The following LRRC8D variants were observed in gnomAD, a reference collection of about 807,000 sequenced individuals.
The protein encoded by LRRC8D is volume-regulated anion channel subunit LRRC8D.
In LRRC8D, 20 loss-of-function variants were observed where a neutral mutation model predicts 55.8. That is an observed-to-expected ratio of 0.36 (90% CI 0.25 to 0.52). LRRC8D has a LOEUF of 0.52. Among genes scored for constraint, LRRC8D ranks in the 20% least tolerant of loss-of-function variants. The pLI, the probability that LRRC8D is intolerant of heterozygous loss-of-function variation, is 0.93. For missense variants in LRRC8D, 651 were observed against 1,030.8 expected, an observed-to-expected ratio of 0.63 and a Z score of 5.05; for synonymous variants, 352 against 377.0, an observed-to-expected ratio of 0.93 and a Z score of 0.77.
intron 2 of LRRC8D, among the ~76,000 whole-genome samples, chr1:89,909,161 G>A (rs763856936): frequency 5.9e-5 from 9 of 152,134 alleles, no homozygotes; most frequent in Non-Finnish European, 8.8e-5. Context: ...CACTGGGCAG[G>A]AAGCTCTATG....
intron 2 of LRRC8D, among the ~76,000 whole-genome samples, chr1:89,896,565 G>C (rs1662718722): frequency 6.6e-6 from 1 of 152,104 alleles, no homozygotes; most frequent in African/African-American, 2.4e-5. Flanking sequence ...TCAGGCCGAG[G>C]GTAGGGCAAG....
chr1:89,889,127 T>C (rs936404461), intron 2 of LRRC8D, among the ~76,000 whole-genome samples: 1 of 152,200 alleles, frequency 6.6e-6, no homozygotes, highest in Non-Finnish European at 1.5e-5. Flanking sequence ...GTCAGGCTAG[T>C]GTTTATGCTT....
At chr1:89,851,696 G>A (rs577304264) in intron 2 of LRRC8D, among the ~76,000 whole-genome samples, 1 of 152,122 alleles carries the variant, frequency 6.6e-6, no homozygotes, top group Admixed American at 6.5e-5. Context: ...TTTTAGTAGA[G>A]ATGGGGTTTC....
At chr1:89,841,659 C>G (rs1345273188) in intron 1 of LRRC8D, among the ~76,000 whole-genome samples, 1 of 152,158 alleles carries the variant, frequency 6.6e-6, no homozygotes, top group African/African-American at 2.4e-5. Flanking sequence ...CTGAACTGGA[C>G]AGACTTTGTA....
intron 2 of LRRC8D, among the ~76,000 whole-genome samples, chr1:89,880,111 T>A (rs1662243426): frequency 6.6e-6 from 1 of 151,580 alleles, no homozygotes; most frequent in African/African-American, 2.4e-5. Context: ...TTTGGTACTG[T>A]TACCCTCATA....
intron 1 of LRRC8D, among the ~76,000 whole-genome samples, chr1:89,834,013 C>T (rs186959997): frequency 6.6e-6 from 1 of 152,236 alleles, no homozygotes; most frequent in East Asian, 1.9e-4. Flanking sequence ...TGGCTGCAGG[C>T]AGTTGCTGTA....
At chr1:89,881,639 A>G (rs961870939) in intron 2 of LRRC8D, among the ~76,000 whole-genome samples, 10 of 152,196 alleles carry the variant, frequency 6.6e-5, no homozygotes, top group Non-Finnish European at 1.2e-4. Flanking sequence ...GGAAGTGTTT[A>G]TAGTAATAAG....
chr1:89,892,374 T>A (rs1475676106), intron 2 of LRRC8D, among the ~76,000 whole-genome samples: 3 of 152,224 alleles, frequency 2.0e-5, no homozygotes, highest in African/African-American at 4.8e-5. Flanking sequence ...TTCAGCATTG[T>A]GTGATTTAAA....
intron 2 of LRRC8D, among the ~76,000 whole-genome samples, chr1:89,896,674 G>A (rs1490406960): frequency 2.0e-5 from 3 of 152,144 alleles, no homozygotes; most frequent in Non-Finnish European, 2.9e-5. Context: ...TAGCATTCAG[G>A]ACAGAGTCCA....
At chr1:89,869,974 G>A (rs979812729) in intron 2 of LRRC8D, among the ~76,000 whole-genome samples, 1 of 151,646 alleles carries the variant, frequency 6.6e-6, no homozygotes, top group Non-Finnish European at 1.5e-5. Context: ...TGGCCATGAT[G>A]GTGCACACCT....
chr1:89,918,369 A>G (rs1663327197), intron 2 of LRRC8D, among the ~76,000 whole-genome samples: 1 of 152,182 alleles, frequency 6.6e-6, no homozygotes, highest in Non-Finnish European at 1.5e-5. Context: ...CTTAACACAT[A>G]TGGCATTCAC....
chr1:89,925,616 A>T (rs550060910), intron 2 of LRRC8D, among the ~76,000 whole-genome samples: 1 of 152,214 alleles, frequency 6.6e-6, no homozygotes, highest in Non-Finnish European at 1.5e-5. Flanking sequence ...GAGGATCATA[A>T]TGTACTTAAT....
At position 89,935,029 on chromosome 1, in the gene LRRC8D, T is replaced by A; in HGVS notation, c.1961T>A (p.Ile654Asn). Reference protein sequence around the residue: ...NCELERIPHAIFSLSNLQELD... With the variant: ...NCELERIPHANFSLSNLQELD... ...GAGCTAGAGAGAATCCCACATGCTA[T>A]TTTCAGCCTCTCTAATTTACAGGAA... is the stretch of plus-strand genomic sequence containing the variant. Residue 654 changes from isoleucine to asparagine, a missense_variant, in exon 3 of 3, where the codon ATT (isoleucine) becomes AAT (asparagine). Physicochemically the swap from Ile to Asn is moderately radical, Grantham distance 149. Transcript: ENST00000337338. 6.2e-7 allele frequency: 1 copy of A among 1,614,216 alleles called. No homozygotes were observed. Among genetic ancestry groups the A allele is most frequent in the Non-Finnish European group, 8.5e-7 (1 of 1,180,042 alleles).
Position 89,933,362 on chromosome 1 carries a change from T to A in LRRC8D, c.294T>A (p.Ile98=). 1 of 1,614,070 alleles carries A rather than the reference T, an allele frequency of 6.2e-7. No individual in the cohort carries two copies. Among genetic ancestry groups the A allele is most frequent in the Non-Finnish European group, 8.5e-7 (1 of 1,180,016 alleles). Residue 98 remains isoleucine, a synonymous_variant, in exon 3 of 3, where the codon ATT becomes ATA. Coordinates refer to ENST00000337338, the MANE Select transcript of LRRC8D (RefSeq NM_001134479.2). The surrounding 1 kb of genome is among the most constrained non-coding windows in gnomAD (Gnocchi z 7.0). ...QDQDGRTTND[I]SFGTSAVTPD... is the part of the protein sequence containing the mutation. ...AAGATGGGCGGACAACAAACGACATTTCCTTTGGGACATCTGCTGTGACAC... is the reference window on the plus strand; with the variant it reads ...AAGATGGGCGGACAACAAACGACATATCCTTTGGGACATCTGCTGTGACAC...
chr1:89,854,049 A>T (rs1229288270), intron 2 of LRRC8D, among the ~76,000 whole-genome samples: 1 of 152,232 alleles, frequency 6.6e-6, no homozygotes, highest in African/African-American at 2.4e-5. Context: ...CAAGTTCTAG[A>T]GCACAAGCAT....
At chr1:89,884,647 C>G (rs1269239999) in intron 2 of LRRC8D, among the ~76,000 whole-genome samples, 1 of 152,216 alleles carries the variant, frequency 6.6e-6, no homozygotes, top group African/African-American at 2.4e-5. Flanking sequence ...TGACCTTTAG[C>G]AAGCTGTTTA....
intron 2 of LRRC8D, among the ~76,000 whole-genome samples, chr1:89,891,358 G>A (rs1662575274): frequency 2.0e-5 from 3 of 152,140 alleles, no homozygotes; most frequent in African/African-American, 7.2e-5. Flanking sequence ...CAAGATGCAC[G>A]TGATGCTGAT....
chr1:89,828,100 C>T (rs1660805937), intron 1 of LRRC8D, among the ~76,000 whole-genome samples: 1 of 152,218 alleles, frequency 6.6e-6, no homozygotes, highest in African/African-American at 2.4e-5. Context: ...TGCACGAAGG[C>T]TGGGTACTGA....
intron 2 of LRRC8D, among the ~76,000 whole-genome samples, chr1:89,925,047 G>T (rs1429295706): frequency 2.0e-5 from 3 of 152,090 alleles, no homozygotes; most frequent in South Asian, 4.1e-4. Context: ...GAACCGGGTC[G>T]CACAGCACCA....
Sources: gnomAD v4.1 joint callset for allele counts (sites outside exome capture counted in the v4.1 genomes callset) on GRCh38, gnomAD v4.1.1 for gene constraint, Gnocchi (gnomAD v3.1) non-coding constraint, MANE v1.5 for transcripts, NCBI Gene and HGNC (gene_info 2026-07-23, HGNC 2026-07-21) for gene names.